The following NSF variants were observed in gnomAD, a reference collection of about 807,000 sequenced individuals.
NSF encodes the protein N-ethylmaleimide sensitive factor, vesicle fusing ATPase.
NSF carries 14 observed loss-of-function variants against 50.3 expected under a neutral mutation model. The ratio of observed to expected loss-of-function variants is 0.28; its 90% CI spans 0.18 to 0.44. The LOEUF is 0.44. Among genes scored for constraint, NSF ranks in the 20% least tolerant of loss-of-function variants. NSF has a pLI of 1.00. For missense variants in NSF, 218 were observed against 504.3 expected (o/e 0.43, Z 5.44); for synonymous variants, 109 against 175.7 (o/e 0.62, Z 3.00).
chr17:46,711,156 G>A (rs1466702868), intron 14 of NSF, 37 bp downstream of exon 14: 3 of 1,454,850 alleles, frequency 2.1e-6, no homozygotes, highest in Admixed American at 5.8e-5. Flanking sequence ...AAAAGTTAAA[G>A]GAAAAAAAGC....
intron 7 of NSF, among the ~76,000 whole-genome samples, chr17:46,642,480 C>CT (rs2058222541): frequency 1.5e-5 from 2 of 137,270 alleles, no homozygotes; most frequent in Non-Finnish European, 3.0e-5. Context: ...AGGTGGCACT[C>CT]TGACATTTAA....
intron 19 of NSF, among the ~76,000 whole-genome samples, chr17:46,754,580 C>T (rs2146347579): frequency 6.6e-6 from 1 of 152,234 alleles, no homozygotes; most frequent in East Asian, 1.9e-4. Flanking sequence ...CTCCTGTGGG[C>T]CTACGAGAAT....
intron 17 of NSF, among the ~76,000 whole-genome samples, chr17:46,732,010 C>T (rs1259133229): frequency 6.6e-6 from 1 of 152,100 alleles, no homozygotes; most frequent in African/African-American, 2.4e-5. Context: ...GAAGCATTCA[C>T]TTTGTCAAAC....
chr17:46,750,746 G>C (rs928164488), intron 18 of NSF, among the ~76,000 whole-genome samples: 1 of 151,914 alleles, frequency 6.6e-6, no homozygotes, highest in Non-Finnish European at 1.5e-5. Flanking sequence ...GTGGGGGTAA[G>C]GTAATCACTG....
chr17:46,675,659 C>T (rs199470), intron 9 of NSF, among the ~76,000 whole-genome samples: 98,433 of 129,872 alleles, frequency 0.76, 38,216 homozygotes, highest in East Asian at 0.96. Context: ...CACACACACA[C>T]ACACGAACAT....
chr17:46,679,068 C>T (rs547461021), intron 9 of NSF, among the ~76,000 whole-genome samples: 1 of 151,960 alleles, frequency 6.6e-6, no homozygotes, highest in African/African-American at 2.4e-5. Flanking sequence ...AGAGAGCTTA[C>T]CTAAAGTATA....
intron 1 of NSF, among the ~76,000 whole-genome samples, chr17:46,620,774 T>TA (rs1227784565): frequency 8.1e-4 from 3 of 3,716 alleles, no homozygotes; most frequent in Non-Finnish European, 1.1e-3. Context: ...TCAGAAATAT[T>TA]TAGCAAGTTT....
intron 8 of NSF, among the ~76,000 whole-genome samples, chr17:46,657,384 A>T (rs888407893): frequency 2.6e-5 from 4 of 152,236 alleles, no homozygotes; most frequent in Non-Finnish European, 5.9e-5. Flanking sequence ...TGAGAAACTA[A>T]TAGACAAGGT....
intron 17 of NSF, among the ~76,000 whole-genome samples, chr17:46,730,134 A>G (rs973727190): frequency 4.6e-5 from 7 of 152,100 alleles, no homozygotes; most frequent in African/African-American, 1.7e-4. Flanking sequence ...GATTCCTCCA[A>G]TGTTTTCATA....
chr17:46,745,513 TA>T (rs1318578207), intron 17 of NSF, among the ~76,000 whole-genome samples: 4 of 152,210 alleles, frequency 2.6e-5, no homozygotes, highest in African/African-American at 9.6e-5. Flanking sequence ...TAGTCACTGT[TA>T]ATGTAAGAGA....
intron 13 of NSF, among the ~76,000 whole-genome samples, chr17:46,709,756 A>G (rs2058700234): frequency 6.6e-6 from 1 of 152,102 alleles, no homozygotes; most frequent in African/African-American, 2.4e-5. Context: ...CAGCCTCCCA[A>G]AGTGCTGGGA....
intron 1 of NSF, among the ~76,000 whole-genome samples, chr17:46,609,931 C>G (rs1411391656): frequency 7.0e-6 from 1 of 143,562 alleles, no homozygotes; most frequent in South Asian, 2.1e-4. Flanking sequence ...GCTCAAACCT[C>G]TCACCTCAGC....
At chr17:46,631,082 A>ACACACACACACACACACACACACACACG (rs1555668592) in intron 4 of NSF, among the ~76,000 whole-genome samples, 50 of 142,074 alleles carry the variant, frequency 3.5e-4, no homozygotes, top group East Asian at 6.7e-4. Context: ...ACACACACAC[A>ACACACACACACACACACACACACACACG]CACACACACA....
chr17:46,739,023 T>A (rs1434877072), intron 17 of NSF, among the ~76,000 whole-genome samples: 1 of 138,292 alleles, frequency 7.2e-6, no homozygotes, highest in African/African-American at 2.7e-5. Flanking sequence ...ATCGCTTGAG[T>A]CCAGGACTTC....
intron 20 of NSF, 31 bp from the exon 21 acceptor site, chr17:46,755,771 G>GT (rs770897294): frequency 5.3e-5 from 78 of 1,459,992 alleles, no homozygotes; most frequent in Non-Finnish European, 6.5e-5. Flanking sequence ...ACCCTCATCT[G>GT]TTTTTTTGTG....
chr17:46,738,809 A>C (rs1338924769), intron 17 of NSF, among the ~76,000 whole-genome samples: 1 of 152,260 alleles, frequency 6.6e-6, no homozygotes. Flanking sequence ...ACAGTAAGAG[A>C]ACTAAACTGT....
At chr17:46,602,773 G>GAATA (rs1471000913) in intron 1 of NSF, among the ~76,000 whole-genome samples, 1 of 146,976 alleles carries the variant, frequency 6.8e-6, no homozygotes, top group Non-Finnish European at 1.5e-5. Flanking sequence ...TTCTCCTAGA[G>GAATA]AATAATATTG....
At chr17:46,678,533 G>A (rs1057490309) in intron 9 of NSF, among the ~76,000 whole-genome samples, 8 of 150,708 alleles carry the variant, frequency 5.3e-5, no homozygotes, top group South Asian at 2.1e-4. Context: ...GGTCTGGTGC[G>A]TGTATTTAAA....
chr17:46,747,034 A>G (rs1410846538), intron 17 of NSF, among the ~76,000 whole-genome samples: 1 of 152,182 alleles, frequency 6.6e-6, no homozygotes, highest in Non-Finnish European at 1.5e-5. Flanking sequence ...TCTCTGGGAA[A>G]AATGTACACA....
Sources: allele counts gnomAD v4.1 joint callset (sites outside exome capture counted in the v4.1 genomes callset), GRCh38; gene constraint gnomAD v4.1.1; transcripts MANE v1.5; gene names NCBI Gene and HGNC (gene_info 2026-07-23, HGNC 2026-07-21).